ADAMTS3: variants seen among roughly 807,000 people sequenced by gnomAD.
ADAMTS3 encodes A disintegrin and metalloproteinase with thrombospondin motifs 3.
A neutral mutation model predicts 129.0 loss-of-function variants in ADAMTS3; 73 were observed. The ratio of observed to expected loss-of-function variants is 0.57; its 90% CI spans 0.47 to 0.69. The LOEUF is 0.69. ADAMTS3 is among the 30% of genes least tolerant of loss of function. ADAMTS3 has a pLI of 0.00. For synonymous variants in ADAMTS3, 477 were observed against 510.8 expected (o/e 0.93, Z 0.89); for missense variants, 1,457 against 1,514.5 (o/e 0.96, Z 0.63).
intron 21 of ADAMTS3, among the ~76,000 whole-genome samples, chr4:72,284,240 G>T (rs1718439347): frequency 1.3e-5 from 2 of 151,628 alleles, no homozygotes. Context: ...GTTTGAGATC[G>T]AGACCATCCT....
chr4:72,284,556 A>G (rs557437222), intron 21 of ADAMTS3, among the ~76,000 whole-genome samples: 1 of 152,300 alleles, frequency 6.6e-6, no homozygotes, highest in Non-Finnish European at 1.5e-5. Context: ...AGTATGCCAA[A>G]TTTCTTATGA....
At chr4:72,401,710 T>C (rs1158017943) in intron 4 of ADAMTS3, among the ~76,000 whole-genome samples, 1 of 151,158 alleles carries the variant, frequency 6.6e-6, no homozygotes, top group African/African-American at 2.4e-5. Flanking sequence ...AAAGGAAAGA[T>C]GTAGTTGTGA....
Position 72,339,612 on chromosome 4 carries a change from C to A in ADAMTS3, c.743G>T (p.Arg248Leu). The change falls in exon 5 of 22, where the codon CGC (arginine) becomes CTC (leucine). Residue 248 changes from arginine to leucine, a missense_variant. Physicochemically the swap from Arg to Leu is moderately radical, Grantham distance 102. Coordinates refer to ENST00000286657, the MANE Select transcript of ADAMTS3 (RefSeq NM_014243.3). ...HQQLNETMRR[R>L]RHAGENDYNI... ...GTAATCGTTTTCTCCCGCGTGTCTG[C>A]GGCGTCTCATTGTTTCATTCAGCTG... 1 of 1,613,932 alleles carries A rather than the reference C, an allele frequency of 6.2e-7. No homozygotes were observed. The highest frequency in any genetic ancestry group is 8.5e-7 in the Non-Finnish European group (1 of 1,179,876).
intron 4 of ADAMTS3, among the ~76,000 whole-genome samples, chr4:72,365,095 A>C (rs1045792785): frequency 6.6e-6 from 1 of 152,350 alleles, no homozygotes; most frequent in Admixed American, 6.5e-5. Context: ...TAATGGTTGA[A>C]GAATTTCATA....
intron 4 of ADAMTS3, among the ~76,000 whole-genome samples, chr4:72,349,420 T>C (rs892622182): frequency 2.0e-5 from 3 of 152,036 alleles, no homozygotes; most frequent in Non-Finnish European, 4.4e-5. Context: ...AGAGAATCTA[T>C]ATTATGATAT....
chr4:72,483,935 G>A (rs1040385627), intron 3 of ADAMTS3, among the ~76,000 whole-genome samples: 3 of 151,978 alleles, frequency 2.0e-5, no homozygotes, highest in East Asian at 1.9e-4. Context: ...GGAGAATGGC[G>A]TGAACCCAGG....
intron 3 of ADAMTS3, among the ~76,000 whole-genome samples, chr4:72,523,419 G>A (rs1720726006): frequency 6.6e-6 from 1 of 151,932 alleles, no homozygotes; most frequent in Non-Finnish European, 1.5e-5. Context: ...CTATTTTCCA[G>A]TGTTATGAAA....
chr4:72,566,199 T>C (rs915975922), intron 2 of ADAMTS3, among the ~76,000 whole-genome samples: 1 of 152,170 alleles, frequency 6.6e-6, no homozygotes, highest in African/African-American at 2.4e-5. Context: ...CATCCAACAA[T>C]GCTAAGCACT....
intron 3 of ADAMTS3, among the ~76,000 whole-genome samples, chr4:72,488,872 A>T (rs1719659460): frequency 2.0e-5 from 3 of 151,880 alleles, no homozygotes; most frequent in Admixed American, 2.0e-4. Context: ...CAGAACTTAG[A>T]TCTCCAGAAT....
At chr4:72,493,740 C>G (rs932643765) in intron 3 of ADAMTS3, among the ~76,000 whole-genome samples, 2 of 151,862 alleles carry the variant, frequency 1.3e-5, no homozygotes, top group East Asian at 3.9e-4. Flanking sequence ...ACAAAAAGTC[C>G]CTTAAGCATT....
chr4:72,550,114 A>AGAGGAG (rs71589605), intron 2 of ADAMTS3, among the ~76,000 whole-genome samples: 10 of 96,590 alleles, frequency 1.0e-4, no homozygotes, highest in Non-Finnish European at 1.4e-4. Context: ...AAGAAGAAGA[A>AGAGGAG]GAAGGCATAG....
chr4:72,564,050 TA>T (rs1721967290), intron 2 of ADAMTS3, among the ~76,000 whole-genome samples: 1 of 152,184 alleles, frequency 6.6e-6, no homozygotes, highest in Non-Finnish European at 1.5e-5. Flanking sequence ...TTAGCAACTT[TA>T]TTTTTTTAAG....
Position 72,569,039 on chromosome 4 carries a change from T to G in ADAMTS3, c.-277A>C. On this transcript the variant is annotated 5_prime_UTR_variant, in exon 1 of 22. Transcript: ENST00000286657. ...GAAGGTGCTGTAAGCGGGCACAGGC[T>G]AAGCCTGGGAGAGGGGGAAGGGACG... 2.0e-6 allele frequency: 1 copy of G among 506,824 alleles called. No individual in the cohort carries two copies. Among genetic ancestry groups the G allele is most frequent in the Non-Finnish European group, 3.5e-6 (1 of 285,104 alleles). The allele number at this position is 506,824 out of a possible 1,614,324, so 31.4% of individuals were successfully genotyped here.
chr4:72,382,800 T>C (rs1721328365), intron 4 of ADAMTS3, among the ~76,000 whole-genome samples: 2 of 152,192 alleles, frequency 1.3e-5, no homozygotes, highest in South Asian at 4.1e-4. Context: ...ATACCACCTG[T>C]TCTCACTTAT....
intron 3 of ADAMTS3, among the ~76,000 whole-genome samples, chr4:72,463,418 G>C (rs1175218964): frequency 1.3e-5 from 2 of 151,906 alleles, no homozygotes; most frequent in Non-Finnish European, 2.9e-5. Flanking sequence ...TTATGCCTTG[G>C]CATTTGTGCA....
intron 3 of ADAMTS3, among the ~76,000 whole-genome samples, chr4:72,489,074 T>G (rs1320680436): frequency 1.3e-5 from 2 of 151,998 alleles, no homozygotes; most frequent in African/African-American, 4.8e-5. Context: ...CATAAAGTCC[T>G]CCAGATTCAT....
intron 3 of ADAMTS3, among the ~76,000 whole-genome samples, chr4:72,540,100 T>G (rs567875043): frequency 6.6e-6 from 1 of 152,114 alleles, no homozygotes; most frequent in Non-Finnish European, 1.5e-5. Flanking sequence ...GTGAGAATGT[T>G]TGCAACTTCC....
At chr4:72,469,975 G>A (rs936512094) in intron 3 of ADAMTS3, among the ~76,000 whole-genome samples, 23 of 152,086 alleles carry the variant, frequency 1.5e-4, no homozygotes, top group African/African-American at 5.3e-4. Context: ...AAGCTTTAAG[G>A]GAGTCAAAAG....
At chr4:72,530,400 TGAATTTA>T (rs1720978198) in intron 3 of ADAMTS3, among the ~76,000 whole-genome samples, 1 of 83,332 alleles carries the variant, frequency 1.2e-5, no homozygotes, top group Non-Finnish European at 2.0e-5. Context: ...TTAACATATA[TGAATTTA>T]ATATATAATA....
Sources: allele counts gnomAD v4.1 joint callset (sites outside exome capture counted in the v4.1 genomes callset), GRCh38; gene constraint gnomAD v4.1.1; transcripts MANE v1.5; gene names NCBI Gene and HGNC (gene_info 2026-07-23, HGNC 2026-07-21).